PTPRT: variants seen among roughly 807,000 people sequenced by gnomAD.
PTPRT encodes receptor-type tyrosine-protein phosphatase T.
A neutral mutation model predicts 176.8 loss-of-function variants in PTPRT; 56 were observed. The ratio of observed to expected loss-of-function variants is 0.32; its 90% confidence interval spans 0.26 to 0.40. The LOEUF (loss-of-function observed/expected upper bound fraction) is 0.40, where lower values mean the gene tolerates loss of function less well. PTPRT is among the 10% of genes least tolerant of loss of function. The pLI, the probability that PTPRT is intolerant of heterozygous loss-of-function variation, is 1.00. For missense variants in PTPRT, 1,540 were observed against 1,908.2 expected, an observed-to-expected ratio of 0.81 and a Z score of 3.60; for synonymous variants, 783 against 739.0, an observed-to-expected ratio of 1.06 and a Z score of -0.96.
At position 42,472,154 on chromosome 20, in the gene PTPRT, G is replaced by A. The variant is rs111438416; in HGVS notation, c.1450+112C>T. On this transcript the variant is annotated intron_variant, in intron 8 of 30. Transcript: ENST00000373187. Reference sequence around the variant, plus strand: ...TGAAGGCCTAAGAAAAGAAAGGTGTGTGTGAGGGAATTAAAAATGTAGGAA... The same window carrying A: ...TGAAGGCCTAAGAAAAGAAAGGTGTATGTGAGGGAATTAAAAATGTAGGAA... 3.9e-5 allele frequency: 47 copies of A among 1,210,442 alleles called. 1 individual carries two copies. The highest frequency in any genetic ancestry group is 3.5e-4 in the African/African-American group (23 of 65,838). The allele number at this position is 1,210,442 out of a possible 1,614,324, so 75.0% of individuals were successfully genotyped here. A position where few individuals can be genotyped will look rare whatever the true frequency, so the allele number is the denominator to read the frequency against.
chr20:43,115,686 A>G lies in PTPRT; in HGVS notation c.88+73960T>C, dbSNP rs561828860. On this transcript the variant is annotated intron_variant, in intron 1 of 30. Coordinates refer to ENST00000373187, the MANE Select transcript of PTPRT (RefSeq NM_007050.6). ...AAACTGCCAACCAAAATGTCAATTCAATTACCAATTTCAGCCAAGAATATG... is the reference window on the plus strand; with the variant it reads ...AAACTGCCAACCAAAATGTCAATTCGATTACCAATTTCAGCCAAGAATATG... Among the ~76,000 whole-genome samples the G allele has an allele frequency of 8.5e-5, 13 of 152,324 alleles. No individual in the cohort carries two copies. The South Asian group carries it at 2.7e-3, about 32-fold the overall frequency.
intron 7 of PTPRT, among the ~76,000 whole-genome samples, chr20:42,624,214 T>G (rs2074252369): frequency 6.6e-6 from 1 of 152,168 alleles, no homozygotes; most frequent in African/African-American, 2.4e-5. Context: ...TTTATAATAA[T>G]TGGCTTGCCA....
At chr20:43,138,704 A>G (rs1017779012) in intron 1 of PTPRT, among the ~76,000 whole-genome samples, 3 of 152,108 alleles carry the variant, frequency 2.0e-5, no homozygotes, top group African/African-American at 7.2e-5. Flanking sequence ...CCGGGGATTC[A>G]GTCTAAGTGG....
At chr20:42,675,460 C>G (rs969575737) in intron 7 of PTPRT, among the ~76,000 whole-genome samples, 6 of 152,114 alleles carry the variant, frequency 3.9e-5, no homozygotes, top group Non-Finnish European at 8.8e-5. Context: ...TTTTGTATGT[C>G]GAACCATCAG....
At chr20:42,287,363 T>G (rs2057247782) in intron 12 of PTPRT, among the ~76,000 whole-genome samples, 1 of 151,768 alleles carries the variant, frequency 6.6e-6, no homozygotes, top group Non-Finnish European at 1.5e-5. Flanking sequence ...ATAAAGAAAA[T>G]GTGGTATATA....
intron 15 of PTPRT, among the ~76,000 whole-genome samples, chr20:42,211,182 C>A (rs1050300850): frequency 1.3e-5 from 2 of 152,110 alleles, no homozygotes; most frequent in African/African-American, 4.8e-5. Flanking sequence ...AGACCTAAAA[C>A]CATAAAAACC....
chr20:43,105,156 T>C (rs977287190), intron 1 of PTPRT, among the ~76,000 whole-genome samples: 3 of 152,072 alleles, frequency 2.0e-5, no homozygotes, highest in Admixed American at 2.0e-4. Flanking sequence ...AGGTCTGTAG[T>C]AGAAGCATAC....
intron 9 of PTPRT, among the ~76,000 whole-genome samples, chr20:42,425,191 C>T (rs958545218): frequency 6.6e-6 from 1 of 152,040 alleles, no homozygotes; most frequent in Non-Finnish European, 1.5e-5. Flanking sequence ...AAATCCTTGC[C>T]TGGAGCGTGA....
intron 7 of PTPRT, among the ~76,000 whole-genome samples, chr20:42,483,051 A>C (rs574634324): frequency 6.6e-6 from 1 of 152,308 alleles, no homozygotes; most frequent in South Asian, 2.1e-4. Context: ...CAAGGGATCG[A>C]TTGGATAAAA....
intron 7 of PTPRT, among the ~76,000 whole-genome samples, chr20:42,614,924 T>C (rs2074041370): frequency 1.1e-5 from 1 of 92,948 alleles, no homozygotes; most frequent in African/African-American, 7.6e-5. Flanking sequence ...GTTGTTTTCT[T>C]TTTTTTTTTT....
intron 1 of PTPRT, among the ~76,000 whole-genome samples, chr20:42,942,244 T>C (rs892761193): frequency 1.3e-5 from 2 of 152,190 alleles, no homozygotes; most frequent in African/African-American, 4.8e-5. Flanking sequence ...ATGTCCATAC[T>C]GGCTGGCTGG....
chr20:42,920,207 C>T (rs980761974), intron 1 of PTPRT, among the ~76,000 whole-genome samples: 8 of 152,270 alleles, frequency 5.3e-5, no homozygotes, highest in East Asian at 1.9e-4. Context: ...ATCCTTGCCA[C>T]GGAATATTAC....
intron 2 of PTPRT, among the ~76,000 whole-genome samples, chr20:42,878,140 T>C (rs1378172503): frequency 6.6e-6 from 1 of 152,172 alleles, no homozygotes; most frequent in Non-Finnish European, 1.5e-5. Flanking sequence ...CAGAGATGTA[T>C]GTACAAGAAT....
intron 2 of PTPRT, among the ~76,000 whole-genome samples, chr20:42,858,502 T>C (rs1294579789): frequency 6.6e-6 from 1 of 152,150 alleles, no homozygotes; most frequent in Admixed American, 6.5e-5. Flanking sequence ...ATGAGGACTT[T>C]GGGGAGATGA....
chr20:42,110,554 G>A (rs2146293427), intron 22 of PTPRT, 67 bp from the exon 23 acceptor site: 1 of 1,513,914 alleles, frequency 6.6e-7, no homozygotes, highest in East Asian at 2.3e-5. Context: ...GCAACACGTG[G>A]AGCCATAGCT....
At chr20:42,644,779 T>G (rs1383319585) in intron 7 of PTPRT, among the ~76,000 whole-genome samples, 1 of 152,166 alleles carries the variant, frequency 6.6e-6, no homozygotes, top group Non-Finnish European at 1.5e-5. Context: ...CCTGGGATAA[T>G]GATCAGCAAT....
chr20:42,631,585 A>T (rs1413651460), intron 7 of PTPRT, among the ~76,000 whole-genome samples: 1 of 152,182 alleles, frequency 6.6e-6, no homozygotes, highest in Non-Finnish European at 1.5e-5. Flanking sequence ...ATCTTCAGCT[A>T]ACCTGCTGGG....
Position 42,824,007 on chromosome 20 carries a change from C to T in PTPRT, c.215-32541G>A, listed in dbSNP as rs575069520. 2.6e-5 allele frequency among the ~76,000 whole-genome samples: 4 copies of T among 151,890 alleles called. No homozygotes were observed. In the South Asian group the frequency reaches 8.3e-4, roughly 32 times the overall value. The stretch of plus-strand genomic sequence containing the variant: ...ATCAATAACCACTTGGAAGCTCTGA[C>T]AAGAAATAAATTAAATCCCATGGTA... On this transcript the variant is annotated intron_variant, in intron 2 of 30. Transcript: ENST00000373187.
At chr20:42,348,752 T>C (rs1480423777) in intron 11 of PTPRT, among the ~76,000 whole-genome samples, 2 of 152,146 alleles carry the variant, frequency 1.3e-5, no homozygotes, top group Non-Finnish European at 2.9e-5. Flanking sequence ...TAAACACGAA[T>C]GGCTATGAGG....
Sources: gnomAD v4.1 joint callset for allele counts (sites outside exome capture counted in the v4.1 genomes callset) on GRCh38, gnomAD v4.1.1 for gene constraint, MANE v1.5 for transcripts, NCBI Gene and HGNC (gene_info 2026-07-23, HGNC 2026-07-21) for gene names.